LHFPL3: variants seen among roughly 807,000 people sequenced by gnomAD.
LHFPL3 encodes LHFPL tetraspan subfamily member 3 protein.
LHFPL3 carries 5 observed loss-of-function variants against 19.3 expected under a neutral mutation model. That is an observed-to-expected ratio of 0.26 (90% CI 0.14 to 0.54). LHFPL3 has a LOEUF of 0.54. LHFPL3 is among the 20% of genes least tolerant of loss of function. LHFPL3 has a pLI of 0.94. For synonymous variants in LHFPL3, 133 were observed against 126.2 expected (o/e 1.05, Z -0.36); for missense variants, 249 against 307.4 (o/e 0.81, Z 1.42).
At chr7:104,755,308 C>A (rs543156146) in intron 2 of LHFPL3, among the ~76,000 whole-genome samples, 72 of 151,992 alleles carry the variant, frequency 4.7e-4, no homozygotes, top group Non-Finnish European at 9.1e-4. Context: ...GGACCATATA[C>A]CCCATACACA....
At chr7:104,452,710 T>C (rs1041439849) in intron 1 of LHFPL3, among the ~76,000 whole-genome samples, 4 of 152,202 alleles carry the variant, frequency 2.6e-5, no homozygotes, top group African/African-American at 9.6e-5. Flanking sequence ...TTATACTCTT[T>C]AATTTATAAA....
chr7:104,593,231 A>G (rs1459497901), intron 1 of LHFPL3, among the ~76,000 whole-genome samples: 1 of 151,870 alleles, frequency 6.6e-6, no homozygotes, highest in Admixed American at 6.6e-5. Context: ...AGATTCTGGT[A>G]TGTTGTGTCT....
chr7:104,856,699 T>C (rs548638269), intron 2 of LHFPL3, among the ~76,000 whole-genome samples: 2 of 152,360 alleles, frequency 1.3e-5, no homozygotes, highest in African/African-American at 4.8e-5. Flanking sequence ...AATCACTTGC[T>C]TAGTAGAATG....
rs185391063 is a variant in LHFPL3 at position 104,569,887 on chromosome 7, C to A, written c.446-166788C>A. On this transcript the variant is annotated intron_variant, in intron 1 of 2. Transcript: ENST00000424859. The stretch of plus-strand genomic sequence containing the variant: ...TGACACCAGAGGCTATATGCTCAAC[C>A]ACTATGCCATACTATCCTCTCTCCA... Among the ~76,000 whole-genome samples the A allele has an allele frequency of 7.5e-4, 114 of 152,276 alleles. 1 individual carries two copies. Among genetic ancestry groups the A allele is most frequent in the African/African-American group, 2.6e-3 (110 of 41,552 alleles).
intron 1 of LHFPL3, among the ~76,000 whole-genome samples, chr7:104,439,427 T>C (rs1792174370): frequency 6.6e-6 from 1 of 152,072 alleles, no homozygotes; most frequent in African/African-American, 2.4e-5. Flanking sequence ...CAACTATATA[T>C]ATAGTATATA....
At chr7:104,611,210 G>C (rs923634328) in intron 1 of LHFPL3, among the ~76,000 whole-genome samples, 1 of 152,192 alleles carries the variant, frequency 6.6e-6, no homozygotes, top group African/African-American at 2.4e-5. Context: ...GTGGGCATTA[G>C]ATAACAATAA....
At chr7:104,437,106 G>C (rs966432186) in intron 1 of LHFPL3, among the ~76,000 whole-genome samples, 1 of 152,190 alleles carries the variant, frequency 6.6e-6, no homozygotes, top group African/African-American at 2.4e-5. Flanking sequence ...TCACAGAGAA[G>C]TTAAGCTAAT....
intron 1 of LHFPL3, among the ~76,000 whole-genome samples, chr7:104,557,778 C>T (rs1354838510): frequency 1.3e-5 from 2 of 151,010 alleles, no homozygotes; most frequent in Non-Finnish European, 3.0e-5. Flanking sequence ...GCTGCACCCA[C>T]TAACTCATCA....
intron 1 of LHFPL3, among the ~76,000 whole-genome samples, chr7:104,553,510 T>G (rs141516896): frequency 7.9e-4 from 120 of 152,250 alleles, no homozygotes; most frequent in African/African-American, 2.6e-3. Flanking sequence ...CCAGAAAAAT[T>G]TTTAACCCTA....
chr7:104,641,139 T>C (rs1791825058), intron 1 of LHFPL3, among the ~76,000 whole-genome samples: 2 of 152,176 alleles, frequency 1.3e-5, no homozygotes, highest in African/African-American at 4.8e-5. Context: ...CATTATTTCC[T>C]AGACAGTATA....
In LHFPL3 at chr7:104,557,933, G is replaced by T. The variant is rs1361760695; in HGVS notation, c.446-178742G>T. Among the ~76,000 whole-genome samples, 14 of 150,744 alleles carry T rather than the reference G, an allele frequency of 9.3e-5. No homozygotes were observed. The East Asian group carries it at 2.1e-3, about 23-fold the overall frequency. ...TATGAATGAGAATATGCGGTGTTTG[G>T]TTTTTTGTTCTTGCGATAGTTTACT... On this transcript the variant is annotated intron_variant, in intron 1 of 2. Coordinates refer to ENST00000424859, the MANE Select transcript of LHFPL3 (RefSeq NM_199000.3).
chr7:104,611,855 G>A (rs1791219405), intron 1 of LHFPL3, among the ~76,000 whole-genome samples: 2 of 152,228 alleles, frequency 1.3e-5, no homozygotes, highest in South Asian at 2.1e-4. Flanking sequence ...ATACAGACGT[G>A]CTGTGCTTTG....
intron 1 of LHFPL3, among the ~76,000 whole-genome samples, chr7:104,508,425 C>T (rs1301937057): frequency 8.0e-6 from 1 of 125,190 alleles, no homozygotes; most frequent in Admixed American, 1.1e-4. Flanking sequence ...CACATGGACA[C>T]AGGAAGGGGA....
chr7:104,701,182 A>G (rs142066722), intron 1 of LHFPL3, among the ~76,000 whole-genome samples: 1,608 of 152,286 alleles, frequency 0.011, 24 homozygotes, highest in African/African-American at 0.036. Context: ...CTGTATTGTC[A>G]TCAAGCATCT....
chr7:104,771,293 G>A (rs1794546401), intron 2 of LHFPL3, among the ~76,000 whole-genome samples: 1 of 152,160 alleles, frequency 6.6e-6, no homozygotes, highest in African/African-American at 2.4e-5. Context: ...GTTCAGATAT[G>A]TGTTTCATTT....
intron 1 of LHFPL3, among the ~76,000 whole-genome samples, chr7:104,439,791 G>A (rs1792180622): frequency 6.6e-6 from 1 of 152,030 alleles, no homozygotes; most frequent in Non-Finnish European, 1.5e-5. Flanking sequence ...AACAAAACAA[G>A]GATGTCTACT....
intron 1 of LHFPL3, among the ~76,000 whole-genome samples, chr7:104,648,462 T>C (rs1791970617): frequency 6.6e-6 from 1 of 152,214 alleles, no homozygotes; most frequent in Non-Finnish European, 1.5e-5. Context: ...TTTCCATTGG[T>C]GGCATCACAG....
chr7:104,406,306 T>C (rs897683739), intron 1 of LHFPL3, among the ~76,000 whole-genome samples: 1 of 152,086 alleles, frequency 6.6e-6, no homozygotes, highest in Non-Finnish European at 1.5e-5. Flanking sequence ...AGGCAATAGA[T>C]GAAGTGAGCA....
At chr7:104,769,565 C>T (rs546737739) in intron 2 of LHFPL3, among the ~76,000 whole-genome samples, 4 of 152,222 alleles carry the variant, frequency 2.6e-5, no homozygotes, top group South Asian at 4.1e-4. Flanking sequence ...CCCATCAACC[C>T]GTCATCTACA....
Sources: gnomAD v4.1 joint callset for allele counts (sites outside exome capture counted in the v4.1 genomes callset) on GRCh38, gnomAD v4.1.1 for gene constraint, MANE v1.5 for transcripts, NCBI Gene and HGNC (gene_info 2026-07-23, HGNC 2026-07-21) for gene names.